Variants in TFAP2D observed in about 807,000 individuals in gnomAD.
TFAP2D encodes transcription factor AP-2-delta.
Under a neutral mutation model 43.6 loss-of-function variants are expected in TFAP2D, and 9 were observed. The ratio of observed to expected loss-of-function variants is 0.21; its 90% CI spans 0.12 to 0.36. The LOEUF is 0.36. TFAP2D is among the 10% of genes least tolerant of loss of function. The probability of loss-of-function intolerance (pLI) is 1.00; values close to 1 mark genes in which losing one functional copy is unlikely to be tolerated. For missense variants in TFAP2D, 513 were observed against 561.4 expected, an observed-to-expected ratio of 0.91 and a Z score of 0.87; for synonymous variants, 256 against 224.9, an observed-to-expected ratio of 1.14 and a Z score of -1.24.
At position 50,719,084 on chromosome 6, in the gene TFAP2D, A is replaced by T. The variant is rs774004124; in HGVS notation, c.538-6A>T. 4 of 1,613,548 alleles carry T rather than the reference A, an allele frequency of 2.5e-6. No homozygotes were observed. Among genetic ancestry groups the T allele is most frequent in the Non-Finnish European group, 3.4e-6 (4 of 1,179,762 alleles). On this transcript the variant is annotated splice_polypyrimidine_tract_variant and splice_region_variant and intron_variant, in intron 2 of 7. Transcript: ENST00000008391. ...AAGTAATTTTATTTCTGTTTCTTTT[A>T]TTAAGGGCTCTGTGGAGGCCCAGTG...
chr6:50,759,945 C>G (rs184208681), intron 7 of TFAP2D, among the ~76,000 whole-genome samples: 1 of 152,066 alleles, frequency 6.6e-6, no homozygotes, highest in Non-Finnish European at 1.5e-5. Flanking sequence ...AACATACTTC[C>G]CCAAATTGAG....
chr6:50,763,522 A>T (rs985239826), intron 7 of TFAP2D, among the ~76,000 whole-genome samples: 2 of 152,138 alleles, frequency 1.3e-5, no homozygotes, highest in African/African-American at 4.8e-5. Flanking sequence ...TCATTTATAA[A>T]AGGAAATACA....
chr6:50,726,277 A>G (rs574790045), intron 3 of TFAP2D, among the ~76,000 whole-genome samples: 212 of 152,322 alleles, frequency 1.4e-3, no homozygotes, highest in Non-Finnish European at 2.1e-3. Context: ...AATCATCTAC[A>G]TCTCCCTAAA....
intron 6 of TFAP2D, 58 bp downstream of exon 6, chr6:50,745,306 T>C: frequency 6.3e-7 from 1 of 1,598,030 alleles, no homozygotes; most frequent in East Asian, 2.2e-5. Context: ...TTTTTCATTT[T>C]CTTTGAAATG....
At chr6:50,732,476 G>A (rs1002332861) in intron 5 of TFAP2D, among the ~76,000 whole-genome samples, 12 of 151,990 alleles carry the variant, frequency 7.9e-5, no homozygotes, top group Non-Finnish European at 1.8e-4. Context: ...ATAATATTGA[G>A]CATAGGAGAA....
intron 3 of TFAP2D, among the ~76,000 whole-genome samples, chr6:50,724,678 C>T (rs980887911): frequency 6.6e-6 from 1 of 152,080 alleles, no homozygotes; most frequent in Non-Finnish European, 1.5e-5. Context: ...TCCTCTGCCC[C>T]AGTAGCCTGG....
intron 3 of TFAP2D, among the ~76,000 whole-genome samples, chr6:50,721,930 A>G (rs188825694): frequency 1.9e-3 from 283 of 152,350 alleles, no homozygotes; most frequent in African/African-American, 6.6e-3. Context: ...TGTACTTTAC[A>G]TGAGTTAATC....
Position 50,755,255 on chromosome 6 carries a change from T to C in TFAP2D, c.1139+3931T>C, listed in dbSNP as rs538606448. On this transcript the variant is annotated intron_variant, in intron 7 of 7. Coordinates refer to ENST00000008391, the MANE Select transcript of TFAP2D (RefSeq NM_172238.4). The stretch of plus-strand genomic sequence containing the variant: ...CAAAGTGAAGGTTCCTGATGTAGAC[T>C]GAATTTAAATGTGTGTAATTTCTTT... 2.0e-5 allele frequency among the ~76,000 whole-genome samples: 3 copies of C among 152,144 alleles called. No homozygotes were observed. In the East Asian group the frequency reaches 5.8e-4, roughly 29 times the overall value.
chr6:50,767,143 C>G (rs1769457309), intron 7 of TFAP2D, among the ~76,000 whole-genome samples: 1 of 152,126 alleles, frequency 6.6e-6, no homozygotes, highest in Admixed American at 6.5e-5. Context: ...TGAACTTTTT[C>G]CTTTCTGATT....
At chr6:50,720,342 G>A (rs969790556) in intron 3 of TFAP2D, among the ~76,000 whole-genome samples, 7 of 152,112 alleles carry the variant, frequency 4.6e-5, no homozygotes, top group South Asian at 2.1e-4. Context: ...AATGTCCAAT[G>A]TAAACTCCAT....
At chr6:50,742,466 C>A (rs564575401) in intron 5 of TFAP2D, among the ~76,000 whole-genome samples, 1 of 152,150 alleles carries the variant, frequency 6.6e-6, no homozygotes, top group East Asian at 1.9e-4. Context: ...GTGCTGCCAT[C>A]CTCCTGTTTG....
chr6:50,739,238 C>T (rs1319740628), intron 5 of TFAP2D, among the ~76,000 whole-genome samples: 2 of 152,054 alleles, frequency 1.3e-5, no homozygotes, highest in African/African-American at 2.4e-5. Context: ...CACCCCACGA[C>T]AGGCCCCAAT....
chr6:50,744,002 A>T (rs1769090656), intron 5 of TFAP2D, among the ~76,000 whole-genome samples: 1 of 152,200 alleles, frequency 6.6e-6, no homozygotes, highest in Admixed American at 6.5e-5. Flanking sequence ...TGAATAAGGT[A>T]GGTGAGTAGA....
intron 7 of TFAP2D, among the ~76,000 whole-genome samples, chr6:50,760,205 G>A (rs951790682): frequency 5.9e-5 from 9 of 151,930 alleles, no homozygotes; most frequent in South Asian, 2.1e-4. Flanking sequence ...CTAAGATTCC[G>A]CAGAAGGTCT....
At chr6:50,730,566 T>G (rs931373278) in intron 5 of TFAP2D, among the ~76,000 whole-genome samples, 1 of 152,166 alleles carries the variant, frequency 6.6e-6, no homozygotes, top group African/African-American at 2.4e-5. Context: ...TCTGCACATT[T>G]TAAGTAAAAA....
At chr6:50,763,611 C>G (rs1474833776) in intron 7 of TFAP2D, among the ~76,000 whole-genome samples, 2 of 152,104 alleles carry the variant, frequency 1.3e-5, no homozygotes, top group African/African-American at 2.4e-5. Context: ...AACACTTCAG[C>G]TTTTTAATAA....
intron 3 of TFAP2D, among the ~76,000 whole-genome samples, chr6:50,723,537 T>C (rs187326151): frequency 1.5e-3 from 234 of 152,358 alleles, no homozygotes; most frequent in African/African-American, 5.3e-3. Context: ...TCATCCATTA[T>C]GGGTGAAGAT....
chr6:50,750,904 C>T (rs1408433635), intron 6 of TFAP2D, among the ~76,000 whole-genome samples: 1 of 151,980 alleles, frequency 6.6e-6, no homozygotes, highest in Non-Finnish European at 1.5e-5. Context: ...GTGATCATTT[C>T]ATATGGGGTT....
intron 6 of TFAP2D, among the ~76,000 whole-genome samples, chr6:50,747,611 A>G (rs1325567896): frequency 2.0e-5 from 3 of 152,090 alleles, no homozygotes. Context: ...CATCAATGCA[A>G]TAAATACAAT....
Sources: allele counts gnomAD v4.1 joint callset (sites outside exome capture counted in the v4.1 genomes callset), GRCh38; gene constraint gnomAD v4.1.1; transcripts MANE v1.5; gene names NCBI Gene and HGNC (gene_info 2026-07-23, HGNC 2026-07-21).